Variants in IDH2 observed in about 807,000 individuals in gnomAD.
IDH2 encodes isocitrate dehydrogenase (NADP(+)) 2, also known as isocitrate dehydrogenase [NADP], mitochondrial.
In IDH2, 18 loss-of-function variants were observed where a neutral mutation model predicts 50.5. That is an observed-to-expected ratio of 0.36 (90% CI 0.25 to 0.53). The LOEUF (loss-of-function observed/expected upper bound fraction) is 0.53. Among genes scored for constraint, IDH2 ranks in the 20% least tolerant of loss-of-function variants. The pLI, the probability that IDH2 is intolerant of heterozygous loss-of-function variation, is 0.92. For synonymous variants in IDH2, 280 were observed against 239.8 expected (o/e 1.17, Z -1.55); for missense variants, 518 against 610.7 (o/e 0.85, Z 1.60).
chr15:90,086,380 ATACTT>A (rs1252983451), intron 7 of IDH2, among the ~76,000 whole-genome samples: 2 of 152,024 alleles, frequency 1.3e-5, no homozygotes, highest in Non-Finnish European at 2.9e-5. Flanking sequence ...GGTCTCACCT[ATACTT>A]TATTTTTTAT....
intron 7 of IDH2, among the ~76,000 whole-genome samples, chr15:90,086,406 T>C (rs1278605692): frequency 6.6e-6 from 1 of 152,126 alleles, no homozygotes; most frequent in Non-Finnish European, 1.5e-5. Context: ...TTTTTATTTT[T>C]TTTGGAGACG....
At chr15:90,096,426 CA>C (rs1270183738) in intron 1 of IDH2, among the ~76,000 whole-genome samples, 1 of 152,078 alleles carries the variant, frequency 6.6e-6, no homozygotes, top group African/African-American at 2.4e-5. Context: ...AAATGCAAAT[CA>C]AAACCATAAT....
Position 90,084,439 on chromosome 15 carries a change from C to A in IDH2, c.1272-86G>T. ...AGGCCCTTCCAGGGAACAGCCTGAG[C>A]TTGGGCATCAGAACAGCCATCTCCT... On this transcript the variant is annotated intron_variant, in intron 10 of 10. Coordinates refer to ENST00000330062, the MANE Select transcript of IDH2 (RefSeq NM_002168.4). This position sits in a 1 kb window ranked among gnomAD's most constrained non-coding sequence, Gnocchi z 5.0. 8.0e-7 allele frequency: 1 copy of A among 1,253,036 alleles called. No homozygotes were observed. Among genetic ancestry groups the A allele is most frequent in the East Asian group, 2.5e-5 (1 of 40,080 alleles). The allele number at this position is 1,253,036 out of a possible 1,614,324, so 77.6% of individuals were successfully genotyped here. A position where few individuals can be genotyped will look rare whatever the true frequency, so the allele number is the denominator to read the frequency against.
In IDH2 at chr15:90,084,596, C is replaced by T. The variant is rs1900808010; in HGVS notation, c.1271+220G>A. Among the ~76,000 whole-genome samples the T allele has an allele frequency of 1.3e-5, 2 of 152,120 alleles. No homozygotes were observed. Among genetic ancestry groups the T allele is most frequent in the African/African-American group, 4.8e-5 (2 of 41,422 alleles). Reference sequence around the variant, plus strand: ...AGAGAAGCTGGGAAAGGGGTGTGGGCAGGGTCGGAAGGAGCTCTGAGTAGC... The same window carrying T: ...AGAGAAGCTGGGAAAGGGGTGTGGGTAGGGTCGGAAGGAGCTCTGAGTAGC... On this transcript the variant is annotated intron_variant, in intron 10 of 10. Transcript: ENST00000330062. The surrounding 1 kb of genome is among the most constrained non-coding windows in gnomAD (Gnocchi z 5.0).
chr15:90,094,107 C>T (rs977924406), intron 1 of IDH2, among the ~76,000 whole-genome samples: 2 of 152,138 alleles, frequency 1.3e-5, no homozygotes, highest in Non-Finnish European at 2.9e-5. Context: ...TGGGTCAGTC[C>T]TACCAGAGAA....
At chr15:90,096,986 C>A (rs1177703411) in intron 1 of IDH2, among the ~76,000 whole-genome samples, 1 of 152,024 alleles carries the variant, frequency 6.6e-6, no homozygotes, top group African/African-American at 2.4e-5. Flanking sequence ...GTATATACAT[C>A]CAAAAATATC....
intron 3 of IDH2, among the ~76,000 whole-genome samples, chr15:90,089,454 C>T (rs1408458215): frequency 3.3e-5 from 5 of 152,208 alleles, no homozygotes; most frequent in African/African-American, 1.2e-4. Flanking sequence ...TGACAACACA[C>T]TGCCCACTCC....
chr15:90,096,646 G>A (rs1014309899), intron 1 of IDH2, among the ~76,000 whole-genome samples: 1 of 152,188 alleles, frequency 6.6e-6, no homozygotes, highest in Non-Finnish European at 1.5e-5. Flanking sequence ...CGGGCACGGT[G>A]GCTCGCACCT....
intron 1 of IDH2, among the ~76,000 whole-genome samples, chr15:90,094,889 G>A (rs572858016): frequency 2.9e-5 from 4 of 136,828 alleles, no homozygotes; most frequent in South Asian, 4.8e-4. Context: ...GCAACAGAAC[G>A]AGACTCCATC....
chr15:90,098,708 T>TA lies in IDH2; in HGVS notation c.115+3567dup, dbSNP rs991581487. Reference sequence around the variant, plus strand: ...ACAGGCGCCTGCCACCACACCCAGCTAATTTTTGTATTTTTAGTAGAGACC... The same window carrying TA: ...ACAGGCGCCTGCCACCACACCCAGCTAAATTTTTGTATTTTTAGTAGAGACC... On this transcript the variant is annotated intron_variant, in intron 1 of 10. Transcript: ENST00000330062. This position sits in a 1 kb window ranked among gnomAD's most constrained non-coding sequence, Gnocchi z 5.1. 4.6e-5 allele frequency among the ~76,000 whole-genome samples: 7 copies of TA among 152,122 alleles called. No individual in the cohort carries two copies. The highest frequency in any genetic ancestry group is 8.8e-5 in the Non-Finnish European group (6 of 68,018).
At chr15:90,090,725 G>T in intron 2 of IDH2, 81 bp from the exon 3 acceptor site, 1 of 1,414,944 alleles carries the variant, frequency 7.1e-7, no homozygotes, top group Non-Finnish European at 1.0e-6. Context: ...GAAGTCTGCA[G>T]GCCATGGCAG....
At position 90,091,538 on chromosome 15, in the gene IDH2, A is replaced by G. The variant is rs760387367; in HGVS notation, c.207+15T>C. 230 of 1,607,094 alleles carry G rather than the reference A, an allele frequency of 1.4e-4. No homozygotes were observed. Among genetic ancestry groups the G allele is most frequent in the Non-Finnish European group, 1.9e-4 (224 of 1,173,674 alleles). On this transcript the variant is annotated intron_variant, in intron 2 of 10. Coordinates refer to ENST00000330062, the MANE Select transcript of IDH2 (RefSeq NM_002168.4). ...GCCCACCTGGAGAGCCACCCACTTC[A>G]GGAGGGGGCACTACCTTCTCCTTGA...
At chr15:90,091,946 G>A (rs1901050432) in intron 1 of IDH2, among the ~76,000 whole-genome samples, 1 of 152,220 alleles carries the variant, frequency 6.6e-6, no homozygotes. Flanking sequence ...AGAGCTGCAG[G>A]TGAGTGAGCA....
intron 1 of IDH2, among the ~76,000 whole-genome samples, chr15:90,099,119 C>T (rs1215801766): frequency 6.6e-6 from 1 of 152,160 alleles, no homozygotes; most frequent in East Asian, 1.9e-4. Context: ...TTGCCAGGTC[C>T]CTGAAGCTAG....
In IDH2 at chr15:90,098,511, T is replaced by TATGTATGTATGCATGCATGC. The variant is rs1555462222; in HGVS notation, c.115+3764_115+3765insGCATGCATGCATACATACAT. Among the ~76,000 whole-genome samples the TATGTATGTATGCATGCATGC allele has an allele frequency of 5.0e-3, 699 of 139,860 alleles. 1 individual carries two copies. Among genetic ancestry groups the TATGTATGTATGCATGCATGC allele is most frequent in the Admixed American group, 0.01 (141 of 13,772 alleles). The allele number at this position is 139,860 out of a possible 152,430, so 91.8% of individuals were successfully genotyped here. On this transcript the variant is annotated intron_variant, in intron 1 of 10. Transcript: ENST00000330062. This position sits in a 1 kb window ranked among gnomAD's most constrained non-coding sequence, Gnocchi z 5.1. Reference sequence around the variant, plus strand: ...AGCAACTTTGTATATTTTATGTATGTATGTATGTATGTATGCATGCATGTA... The same window carrying TATGTATGTATGCATGCATGC: ...AGCAACTTTGTATATTTTATGTATGTATGTATGTATGCATGCATGCATGTATGTATGTATGCATGCATGTA...
In IDH2 at chr15:90,084,033, A is replaced by G; in HGVS notation, c.*233T>C. 1 of 582,018 alleles carries G rather than the reference A, an allele frequency of 1.7e-6. No individual in the cohort carries two copies. The highest frequency in any genetic ancestry group is 3.1e-6 in the Non-Finnish European group (1 of 324,260). 36.1% of individuals were successfully genotyped at this position (582,018 alleles called of 1,614,324 possible). A position where few individuals can be genotyped will look rare whatever the true frequency, so the allele number is the denominator to read the frequency against. On this transcript the variant is annotated 3_prime_UTR_variant, in exon 11 of 11. Transcript: ENST00000330062. This position sits in a 1 kb window ranked among gnomAD's most constrained non-coding sequence, Gnocchi z 5.0. The stretch of plus-strand genomic sequence containing the variant: ...TGGCACCATGTGTTCCAAGGGCAAT[A>G]TAAATTACAGTATGCAAAACATACT...
chr15:90,090,408 C>A, intron 3 of IDH2, 71 bp downstream of exon 3: 7 of 1,552,450 alleles, frequency 4.5e-6, no homozygotes, highest in East Asian at 2.3e-5. Context: ...ACTGCCCCAC[C>A]CCAAGTCTGG....
In IDH2 at chr15:90,090,551, C is replaced by G; in HGVS notation, c.301G>C (p.Ala101Pro). Residue 101 changes from alanine to proline, a missense_variant, in exon 3 of 11, where the codon GCA becomes CCA. Physicochemically the swap from Ala to Pro is conservative, Grantham distance 27. Around this residue, in one of 5 missense-constraint regions of IDH2, gnomAD observed 68 missense variants for 109.7 expected, o/e 0.62. Transcript: ENST00000330062. ...QTDDQVTIDS[A>P]LATQKYSVAV... ...ACACTGTACTTCTGGGTGGCCAGTGCAGAGTCAATGGTGACCTGGTCATCA... is the reference window on the plus strand; with the variant it reads ...ACACTGTACTTCTGGGTGGCCAGTGGAGAGTCAATGGTGACCTGGTCATCA... 2 of 1,614,194 alleles carry G rather than the reference C, an allele frequency of 1.2e-6. No individual in the cohort carries two copies. The highest frequency in any genetic ancestry group is 1.7e-6 in the Non-Finnish European group (2 of 1,180,034).
chr15:90,088,014 G>C (rs939776370), intron 5 of IDH2, among the ~76,000 whole-genome samples: 1 of 152,040 alleles, frequency 6.6e-6, no homozygotes, highest in Non-Finnish European at 1.5e-5. Context: ...CTGGAACTGG[G>C]GATAAAGAGG....
Sources: gnomAD v4.1 joint callset for allele counts (sites outside exome capture counted in the v4.1 genomes callset) on GRCh38, gnomAD v4.1.1 for gene constraint, gnomAD v4.1.1 regional missense constraint, Gnocchi (gnomAD v3.1) non-coding constraint, MANE v1.5 for transcripts, NCBI Gene and HGNC (gene_info 2026-07-23, HGNC 2026-07-21) for gene names.